The following RASSF8 variants were observed in gnomAD, a reference collection of about 807,000 sequenced individuals.
RASSF8 encodes ras association domain-containing protein 8.
RASSF8 carries 22 observed loss-of-function variants against 48.5 expected under a neutral mutation model. That is an observed-to-expected ratio of 0.45 (90% CI 0.32 to 0.65). The LOEUF (loss-of-function observed/expected upper bound fraction) is 0.65. Among genes scored for constraint, RASSF8 ranks in the 30% least tolerant of loss-of-function variants. The pLI is 0.03. For missense variants in RASSF8, 418 were observed against 489.2 expected (o/e 0.85, Z 1.37); for synonymous variants, 127 against 171.5 (o/e 0.74, Z 2.03).
chr12:25,981,347 T>A (rs1043415939), intron 1 of RASSF8, among the ~76,000 whole-genome samples: 2 of 152,140 alleles, frequency 1.3e-5, no homozygotes, highest in Non-Finnish European at 2.9e-5. Context: ...GTCCCCCTGC[T>A]CAACAGTCTC....
At chr12:26,067,849 TCGA>T (rs1943914170) in intron 5 of RASSF8, 136 bp downstream of exon 5, 12 of 1,173,136 alleles carry the variant, frequency 1.0e-5, no homozygotes, top group Non-Finnish European at 1.4e-5. Context: ...TACTGCAGCC[TCGA>T]CCTCCTGGGC....
rs10732540 is a variant in RASSF8, at chr12:26,071,410, T to A, written c.*2592T>A. ...AGATTTCAATGTTTTGTGTTTTTTTTAAAAAAATCATATTGCAACTTGTTT... is the reference window on the plus strand; with the variant it reads ...AGATTTCAATGTTTTGTGTTTTTTTAAAAAAAATCATATTGCAACTTGTTT... On this transcript the variant is annotated 3_prime_UTR_variant, in exon 6 of 6. Coordinates refer to ENST00000689635, the MANE Select transcript of RASSF8 (RefSeq NM_001394098.1). The A allele has an allele frequency of 0.79, 725,448 of 920,488 alleles. 286,133 individuals carry two copies. The highest frequency in any genetic ancestry group is 0.8 in the East Asian group (6,727 of 8,434). The allele number at this position is 920,488 out of a possible 1,614,324, so 57.0% of individuals were successfully genotyped here. A position where few individuals can be genotyped will look rare whatever the true frequency, so the allele number is the denominator to read the frequency against.
In RASSF8 at chr12:26,026,596, C is replaced by T. The variant is rs140141055; in HGVS notation, c.-108-28640C>T. ...GATTACAGGCACACACCACCATGCC[C>T]GGCTAATTTTTATATTTTTAGTTGG... On this transcript the variant is annotated intron_variant, in intron 2 of 5. Coordinates refer to ENST00000689635, the MANE Select transcript of RASSF8 (RefSeq NM_001394098.1). 2.0e-3 allele frequency among the ~76,000 whole-genome samples: 304 copies of T among 152,206 alleles called. 2 individuals are homozygous for T. Among genetic ancestry groups the T allele is most frequent in the African/African-American group, 6.9e-3 (287 of 41,526 alleles).
chr12:26,007,490 G>C (rs1456380565), intron 2 of RASSF8, among the ~76,000 whole-genome samples: 1 of 152,208 alleles, frequency 6.6e-6, no homozygotes, highest in African/African-American at 2.4e-5. Flanking sequence ...TGCAAGAGCA[G>C]AATGAAGAAG....
intron 2 of RASSF8, among the ~76,000 whole-genome samples, chr12:26,034,841 A>G (rs1262065159): frequency 6.6e-6 from 1 of 151,852 alleles, no homozygotes; most frequent in African/African-American, 2.4e-5. Flanking sequence ...CTACATTAAA[A>G]AAAAACATCT....
chr12:26,070,715 TTTG>T lies in RASSF8; in HGVS notation c.*1906_*1908del, dbSNP rs1327269911. 6 of 938,820 alleles carry T rather than the reference TTTG, an allele frequency of 6.4e-6. No individual in the cohort carries two copies. Among genetic ancestry groups the T allele is most frequent in the African/African-American group, 5.6e-5 (3 of 53,818 alleles). The allele number at this position is 938,820 out of a possible 1,614,324, so 58.2% of individuals were successfully genotyped here. On this transcript the variant is annotated 3_prime_UTR_variant, in exon 6 of 6. Transcript: ENST00000689635. ...AATAAGTCATTCTGTATAAAGTCAT[TTTG>T]TTGTTGTTCAGAGAAATCAAGATCT...
downstream of RASSF8, among the ~76,000 whole-genome samples, chr12:26,077,435 T>C (rs1463281903): frequency 6.6e-6 from 1 of 152,206 alleles, no homozygotes; most frequent in Admixed American, 6.5e-5. Flanking sequence ...GAATTAATTT[T>C]TGTGTAAGGT....
rs3832809 is a variant in RASSF8 at position 26,069,225 on chromosome 12, CTT to C, written c.*408_*409del. The C allele has an allele frequency of 0.41, 402,097 of 987,716 alleles. 83,035 individuals carry two copies. The highest frequency in any genetic ancestry group is 0.42 in the Non-Finnish European group (350,836 of 830,052). The allele number at this position is 987,716 out of a possible 1,614,324, so 61.2% of individuals were successfully genotyped here. A position where few individuals can be genotyped will look rare whatever the true frequency, so the allele number is the denominator to read the frequency against. On this transcript the variant is annotated 3_prime_UTR_variant, in exon 6 of 6. Coordinates refer to ENST00000689635, the MANE Select transcript of RASSF8 (RefSeq NM_001394098.1). ...GTTGATGTTTTAATATTTTTATTGACTTATCCTGTGACTGACTTACGTTACAT... is the reference window on the plus strand; with the variant it reads ...GTTGATGTTTTAATATTTTTATTGACATCCTGTGACTGACTTACGTTACAT...
chr12:26,039,684 C>G (rs1433434390), intron 2 of RASSF8, among the ~76,000 whole-genome samples: 1 of 152,104 alleles, frequency 6.6e-6, no homozygotes, highest in East Asian at 1.9e-4. Flanking sequence ...ATGTCGTCTT[C>G]CATTGATTTT....
intron 2 of RASSF8, among the ~76,000 whole-genome samples, chr12:26,032,784 A>T (rs1281851015): frequency 6.6e-6 from 1 of 152,168 alleles, no homozygotes; most frequent in Non-Finnish European, 1.5e-5. Flanking sequence ...AATTCTGTTG[A>T]TGTTTGAAAT....
intron 1 of RASSF8, among the ~76,000 whole-genome samples, chr12:25,965,143 A>G (rs1941328101): frequency 6.6e-6 from 1 of 151,872 alleles, no homozygotes; most frequent in African/African-American, 2.4e-5. Flanking sequence ...AGGATTTACC[A>G]TGTTAGCCAG....
intron 2 of RASSF8, among the ~76,000 whole-genome samples, chr12:26,002,610 TA>T (rs1011645584): frequency 6.6e-6 from 1 of 152,022 alleles, no homozygotes; most frequent in African/African-American, 2.4e-5. Context: ...CCCTTCCTAC[TA>T]AAAATAGAAA....
At chr12:25,972,931 A>G (rs1298431750) in intron 1 of RASSF8, among the ~76,000 whole-genome samples, 1 of 152,148 alleles carries the variant, frequency 6.6e-6, no homozygotes, top group Non-Finnish European at 1.5e-5. Context: ...TCCTTGTATA[A>G]ATGAAATCAT....
intron 2 of RASSF8, among the ~76,000 whole-genome samples, chr12:26,032,580 G>A (rs1239401395): frequency 6.6e-6 from 1 of 151,444 alleles, no homozygotes; most frequent in Non-Finnish European, 1.5e-5. Flanking sequence ...AATTCTGAGG[G>A]AAATGTTTCC....
intron 1 of RASSF8, among the ~76,000 whole-genome samples, chr12:25,968,352 T>A (rs1317774909): frequency 1.3e-5 from 2 of 152,214 alleles, no homozygotes; most frequent in Non-Finnish European, 2.9e-5. Flanking sequence ...TTTATTTATT[T>A]ATTTTTTTGA....
chr12:26,051,836 C>A (rs1449144050), intron 2 of RASSF8, among the ~76,000 whole-genome samples: 1 of 152,224 alleles, frequency 6.6e-6, no homozygotes, highest in Non-Finnish European at 1.5e-5. Flanking sequence ...CCACACCCAA[C>A]AGCACTATAA....
chr12:26,043,508 C>T (rs1943309351), intron 2 of RASSF8, among the ~76,000 whole-genome samples: 1 of 152,182 alleles, frequency 6.6e-6, no homozygotes, highest in African/African-American at 2.4e-5. Context: ...ATTTGAAAAA[C>T]ATTTACCTCT....
At chr12:26,000,082 A>G (rs1430601726) in intron 2 of RASSF8, among the ~76,000 whole-genome samples, 1 of 152,218 alleles carries the variant, frequency 6.6e-6, no homozygotes, top group African/African-American at 2.4e-5. Flanking sequence ...ACATTTTTAT[A>G]GAATAAATAA....
chr12:26,061,432 T>A (rs1430146752), intron 3 of RASSF8, among the ~76,000 whole-genome samples: 2 of 152,178 alleles, frequency 1.3e-5, no homozygotes, highest in Non-Finnish European at 2.9e-5. Context: ...TTGGGATTAG[T>A]CTCAGTTGCT....
Sources: gnomAD v4.1 joint callset for allele counts (sites outside exome capture counted in the v4.1 genomes callset) on GRCh38, gnomAD v4.1.1 for gene constraint, MANE v1.5 for transcripts, NCBI Gene and HGNC (gene_info 2026-07-23, HGNC 2026-07-21) for gene names.